Variants in GLT1D1 observed in about 807,000 individuals in gnomAD.
The protein encoded by GLT1D1 is glycosyltransferase 1 domain-containing protein 1.
A neutral mutation model predicts 28.7 loss-of-function variants in GLT1D1; 21 were observed. The ratio of observed to expected loss-of-function variants is 0.73; its 90% CI spans 0.52 to 1.05. The LOEUF is 1.05. Ranked by LOEUF, GLT1D1 falls within the 50% of genes least tolerant of loss-of-function variation. The pLI, the probability that GLT1D1 is intolerant of heterozygous loss-of-function variation, is 0.00. For missense variants in GLT1D1, 343 were observed against 330.6 expected (o/e 1.04, Z -0.29); for synonymous variants, 147 against 124.8 (o/e 1.18, Z -1.19).
At chr12:128,920,810 C>T (rs1872593676) in intron 4 of GLT1D1, among the ~76,000 whole-genome samples, 1 of 152,162 alleles carries the variant, frequency 6.6e-6, no homozygotes, top group Non-Finnish European at 1.5e-5. Flanking sequence ...TGTTAAGTGA[C>T]GAGTTCAAAT....
intron 1 of GLT1D1, among the ~76,000 whole-genome samples, chr12:128,854,108 G>A (rs1020227135): frequency 1.3e-5 from 2 of 152,082 alleles, no homozygotes; most frequent in African/African-American, 4.8e-5. Flanking sequence ...TCCTGTCCCC[G>A]AAGTCCCTTT....
chr12:128,856,959 G>A (rs1368114647), intron 1 of GLT1D1, among the ~76,000 whole-genome samples: 5 of 152,046 alleles, frequency 3.3e-5, no homozygotes, highest in South Asian at 2.1e-4. Flanking sequence ...AGAAGACTCC[G>A]TTTCAAAAAC....
chr12:128,853,817 G>A (rs1020385598), intron 1 of GLT1D1, among the ~76,000 whole-genome samples, 168 bp downstream of exon 1: 1 of 151,938 alleles, frequency 6.6e-6, no homozygotes, highest in Non-Finnish European at 1.5e-5. Context: ...GGGCGCGCGG[G>A]GGTCGGTGCC....
chr12:128,883,317 C>T (rs1032095524), intron 2 of GLT1D1, among the ~76,000 whole-genome samples: 8 of 151,326 alleles, frequency 5.3e-5, no homozygotes, highest in Admixed American at 3.3e-4. Context: ...TAGGGCCGGG[C>T]GTAGTGGCTC....
chr12:128,906,522 T>G (rs935758710), intron 4 of GLT1D1, among the ~76,000 whole-genome samples: 2 of 152,232 alleles, frequency 1.3e-5, no homozygotes, highest in Non-Finnish European at 2.9e-5. Context: ...CTAATAAGCA[T>G]TCTTCTAAGA....
intron 4 of GLT1D1, among the ~76,000 whole-genome samples, chr12:128,907,529 T>G (rs1464054451): frequency 1.3e-5 from 2 of 152,102 alleles, no homozygotes. Flanking sequence ...CTGGTCTTGA[T>G]CTCCTGATCT....
chr12:128,951,958 G>C (rs1593180592), intron 6 of GLT1D1, among the ~76,000 whole-genome samples: 1 of 152,184 alleles, frequency 6.6e-6, no homozygotes, highest in African/African-American at 2.4e-5. Flanking sequence ...GCAGGGCCGT[G>C]CCCGCCATGG....
Position 128,983,336 on chromosome 12 carries a change from A to C in GLT1D1, c.*246A>C. On this transcript the variant is annotated 3_prime_UTR_variant, in exon 8 of 8. Coordinates refer to ENST00000281703, the MANE Select transcript of GLT1D1 (RefSeq NM_144669.3). The surrounding 1 kb of genome is among the most constrained non-coding windows in gnomAD (Gnocchi z 4.7). Reference sequence around the variant, plus strand: ...TGGAGGTGCATGAGTGACTGGGTTGACTGGGACAGGGAAAGGGGAACTGGT... The same window carrying C: ...TGGAGGTGCATGAGTGACTGGGTTGCCTGGGACAGGGAAAGGGGAACTGGT... The C allele has an allele frequency of 2.2e-6, 1 of 458,158 alleles. No homozygotes were observed. 28.4% of individuals were successfully genotyped at this position (458,158 alleles called of 1,614,324 possible). A position where few individuals can be genotyped will look rare whatever the true frequency, so the allele number is the denominator to read the frequency against.
intron 2 of GLT1D1, among the ~76,000 whole-genome samples, chr12:128,877,990 G>A (rs777794470): frequency 7.2e-5 from 11 of 152,176 alleles, no homozygotes; most frequent in Non-Finnish European, 1.3e-4. Context: ...GTGTCCTCAC[G>A]ATGTGATGGC....
intron 4 of GLT1D1, among the ~76,000 whole-genome samples, chr12:128,908,402 C>CTCTT (rs140784750): frequency 6.9e-5 from 10 of 145,716 alleles, no homozygotes; most frequent in Admixed American, 5.6e-4. Context: ...CTCTCTCTCT[C>CTCTT]TCTTTCTTTC....
chr12:128,976,792 T>A (rs470650), intron 7 of GLT1D1, among the ~76,000 whole-genome samples: 6,924 of 152,254 alleles, frequency 0.045, 498 homozygotes, highest in African/African-American at 0.16. Context: ...TTCTGTTCTA[T>A]GGCTTTGAGG....
chr12:128,972,239 G>A (rs1348055707), intron 7 of GLT1D1, among the ~76,000 whole-genome samples: 2 of 152,222 alleles, frequency 1.3e-5, no homozygotes, highest in Non-Finnish European at 2.9e-5. Context: ...GGCCAGAGCT[G>A]GTTGTTTTGG....
intron 4 of GLT1D1, among the ~76,000 whole-genome samples, chr12:128,904,978 A>G (rs1007852768): frequency 6.6e-6 from 1 of 152,146 alleles, no homozygotes; most frequent in Admixed American, 6.6e-5. Context: ...CATGTTGGCC[A>G]GGCTGGTCTC....
chr12:128,885,365 G>T (rs575752731), intron 2 of GLT1D1, among the ~76,000 whole-genome samples: 1 of 152,186 alleles, frequency 6.6e-6, no homozygotes, highest in East Asian at 1.9e-4. Context: ...TGGGATTAAA[G>T]GCATGTGCTA....
chr12:128,898,186 C>A (rs1296505213), intron 3 of GLT1D1, among the ~76,000 whole-genome samples: 1 of 151,392 alleles, frequency 6.6e-6, no homozygotes, highest in Admixed American at 6.6e-5. Flanking sequence ...TTTCCTTCTT[C>A]CTTTCTTCTT....
At chr12:128,873,667 G>A (rs1255646715) in intron 1 of GLT1D1, among the ~76,000 whole-genome samples, 1 of 152,078 alleles carries the variant, frequency 6.6e-6, no homozygotes, top group Non-Finnish European at 1.5e-5. Flanking sequence ...TATTTCAGGA[G>A]GCCTCAGGTC....
In GLT1D1 at chr12:128,975,400, T is replaced by C. The variant is rs144412772; in HGVS notation, c.640-7529T>C. 5.8e-4 allele frequency among the ~76,000 whole-genome samples: 88 copies of C among 152,336 alleles called. 1 individual carries two copies. The East Asian group carries it at 0.016, about 28-fold the overall frequency. On this transcript the variant is annotated intron_variant, in intron 7 of 7. Transcript: ENST00000281703. ...AGAGGTTATTTCTGACCCTACCCAG[T>C]TGGCTTGCTCAGTTTCCATCTGCAG...
intron 4 of GLT1D1, among the ~76,000 whole-genome samples, chr12:128,901,581 C>T (rs9739012): frequency 0.044 from 6,749 of 151,872 alleles, 533 homozygotes; most frequent in African/African-American, 0.15. Flanking sequence ...GGACTACAGG[C>T]GCCCACCACA....
chr12:128,936,280 G>A (rs618374), intron 4 of GLT1D1, among the ~76,000 whole-genome samples: 48,947 of 150,996 alleles, frequency 0.32, 8,253 homozygotes, highest in East Asian at 0.46. Context: ...TCAGCCTCCC[G>A]AGTAGCTGGG....
Sources: gnomAD v4.1 joint callset for allele counts (sites outside exome capture counted in the v4.1 genomes callset) on GRCh38, gnomAD v4.1.1 for gene constraint, Gnocchi (gnomAD v3.1) non-coding constraint, MANE v1.5 for transcripts, NCBI Gene and HGNC (gene_info 2026-07-23, HGNC 2026-07-21) for gene names.